Variants in ECD observed in about 807,000 individuals in gnomAD.
The protein encoded by ECD is ecdysoneless cell cycle regulator.
ECD carries 59 observed loss-of-function variants against 77.2 expected under a neutral mutation model. The ratio of observed to expected loss-of-function variants is 0.76; its 90% CI spans 0.62 to 0.95. The LOEUF (loss-of-function observed/expected upper bound fraction) is 0.95, where lower values mean the gene tolerates loss of function less well. Among genes scored for constraint, ECD ranks in the 40% least tolerant of loss-of-function variants. The pLI is 0.00. For missense variants in ECD, 704 were observed against 763.4 expected (o/e 0.92, Z 0.92); for synonymous variants, 233 against 267.4 (o/e 0.87, Z 1.26).
intron 7 of ECD, among the ~76,000 whole-genome samples, chr10:73,149,051 A>G (rs924455262): frequency 4.6e-5 from 7 of 152,282 alleles, no homozygotes; most frequent in African/African-American, 1.4e-4. Context: ...ACACTTAACC[A>G]TATACCTTGG....
At chr10:73,149,339 C>G (rs915260776) in intron 7 of ECD, among the ~76,000 whole-genome samples, 1 of 152,024 alleles carries the variant, frequency 6.6e-6, no homozygotes, top group Non-Finnish European at 1.5e-5. Flanking sequence ...TTTGACTTAA[C>G]ATTTTTTGAC....
intron 11 of ECD, among the ~76,000 whole-genome samples, chr10:73,138,616 C>CG (rs1165022722): frequency 6.6e-6 from 1 of 151,856 alleles, no homozygotes; most frequent in Non-Finnish European, 1.5e-5. Context: ...ACCCAGGCTG[C>CG]GGTGCAGTGG....
At chr10:73,165,862 A>G (rs185215716) in intron 1 of ECD, among the ~76,000 whole-genome samples, 109 of 152,256 alleles carry the variant, frequency 7.2e-4, no homozygotes, top group African/African-American at 2.5e-3. Context: ...TAAATGTACA[A>G]TTAAATTATT....
intron 13 of ECD, among the ~76,000 whole-genome samples, chr10:73,135,661 C>T (rs964387769): frequency 4.0e-5 from 6 of 151,848 alleles, no homozygotes; most frequent in African/African-American, 1.5e-4. Context: ...GCAGAGGGTG[C>T]AGTGAGCCAA....
chr10:73,164,128 G>C (rs1259381427), intron 1 of ECD, among the ~76,000 whole-genome samples, 178 bp from the exon 2 acceptor site: 1 of 152,000 alleles, frequency 6.6e-6, no homozygotes, highest in African/African-American at 2.4e-5. Context: ...TGGAGGTCAG[G>C]AGTTTGAGAC....
Position 73,146,362 on chromosome 10 carries a change from C to A in ECD, c.1042-1G>T. The A allele has an allele frequency of 6.3e-7, 1 of 1,579,230 alleles. No individual in the cohort carries two copies. Among genetic ancestry groups the A allele is most frequent in the Non-Finnish European group, 8.6e-7 (1 of 1,165,156 alleles). ...ACTGAGCAGAACCTTCTATCAGTCC[C>A]TTAAAAAAAAAAAAAGGTCTATCAG... On this transcript the variant is annotated splice_acceptor_variant, in intron 8 of 13. Transcript: ENST00000372979. LOFTEE classifies it high-confidence loss of function.
At chr10:73,156,679 T>C (rs758644478) in intron 3 of ECD, 24 bp from the exon 4 acceptor site, 2 of 1,607,822 alleles carry the variant, frequency 1.2e-6, no homozygotes, top group Non-Finnish European at 1.7e-6. Flanking sequence ...ATTTCCAATT[T>C]TGCATTCAAA....
At chr10:73,157,435 A>G (rs1843311125) in intron 3 of ECD, among the ~76,000 whole-genome samples, 1 of 151,538 alleles carries the variant, frequency 6.6e-6, no homozygotes, top group Admixed American at 6.6e-5. Flanking sequence ...TAAAAGTTAC[A>G]TGGCCAGGTG....
chr10:73,146,214 A>G, intron 9 of ECD, 62 bp downstream of exon 9: 1 of 794,864 alleles, frequency 1.3e-6, no homozygotes, highest in Non-Finnish European at 1.8e-6. Context: ...AATAATAAAT[A>G]AAAAATAAAA....
chr10:73,165,630 T>TA (rs397973008), intron 1 of ECD, among the ~76,000 whole-genome samples: 1 of 151,808 alleles, frequency 6.6e-6, no homozygotes, highest in East Asian at 1.9e-4. Context: ...TTTTTTTTTT[T>TA]AATTTTTAAG....
intron 2 of ECD, 72 bp from the exon 3 acceptor site, chr10:73,160,623 C>A: frequency 9.3e-7 from 1 of 1,075,106 alleles, no homozygotes; most frequent in South Asian, 1.5e-5. Context: ...CATAATCATT[C>A]AACTGAATAC....
intron 13 of ECD, among the ~76,000 whole-genome samples, chr10:73,136,091 T>TCAAACCCTAACCCATAAGACTC (rs1842971167): frequency 6.6e-6 from 1 of 152,168 alleles, no homozygotes; most frequent in Non-Finnish European, 1.5e-5. Context: ...GAGCTAGACT[T>TCAAACCCTAACCCATAAGACTC]CAAACCCTAA....
intron 6 of ECD, 89 bp from the exon 7 acceptor site, chr10:73,152,510 T>C: frequency 7.0e-7 from 1 of 1,430,628 alleles, no homozygotes. Context: ...GAGAAGTCCA[T>C]TTATAAGCTT....
At chr10:73,160,315 A>G in intron 3 of ECD, 119 bp downstream of exon 3, 1 of 634,368 alleles carries the variant, frequency 1.6e-6, no homozygotes, top group Non-Finnish European at 2.5e-6. Flanking sequence ...AGATACTATT[A>G]AAATCTGTAC....
chr10:73,134,669 G>C lies in ECD; in HGVS notation c.1849C>G (p.Pro617Ala). ...SYSSQAGLAG[P>A]ASNLLQSMGV... is the part of the protein sequence containing the mutation. ...ATGCTTTGTAAAAGATTGGAAGCAG[G>C]TCCTGCCAGTCCAGCTTGGGAGCTA... The change falls in exon 14 of 14, where the codon CCT (proline) becomes GCT (alanine). Residue 617 changes from proline (P) to alanine (A), a missense_variant. Transcript: ENST00000372979. 6.2e-7 allele frequency: 1 copy of C among 1,614,192 alleles called. No individual in the cohort carries two copies. The highest frequency in any genetic ancestry group is 8.5e-7 in the Non-Finnish European group (1 of 1,180,028).
intron 8 of ECD, 45 bp downstream of exon 8, chr10:73,148,231 T>C (rs1414045396): frequency 6.3e-7 from 1 of 1,599,518 alleles, no homozygotes; most frequent in African/African-American, 1.3e-5. Flanking sequence ...TGGCTTGATT[T>C]TCCCTGGATT....
chr10:73,155,495 T>G (rs1322999213), intron 5 of ECD, among the ~76,000 whole-genome samples: 1 of 152,126 alleles, frequency 6.6e-6, no homozygotes, highest in Non-Finnish European at 1.5e-5. Flanking sequence ...AAAGTTTTAT[T>G]CAGAAACTGA....
intron 12 of ECD, 36 bp from the exon 13 acceptor site, chr10:73,136,954 A>G: frequency 1.0e-6 from 1 of 992,536 alleles, no homozygotes; most frequent in Non-Finnish European, 1.3e-6. Context: ...GCCACTTAGT[A>G]ATTATTATTA....
Position 73,156,314 on chromosome 10 carries a change from G to A in ECD, c.551C>T (p.Ser184Leu), listed in dbSNP as rs772574196. ...ATTCACAGCAGCTCGTATAGATTCTGAAGCAAGTATTTTTTCTGAATGTGC... is the reference window on the plus strand; with the variant it reads ...ATTCACAGCAGCTCGTATAGATTCTAAAGCAAGTATTTTTTCTGAATGTGC... The part of the protein sequence containing the change: ...ITAHSEKILA[S>L]ESIRAAVNRR... The change falls in exon 5 of 14, where the codon TCA (serine) becomes TTA (leucine). Residue 184 changes from serine to leucine, a missense_variant. Ser to Leu is a moderately radical substitution (Grantham distance 145). Transcript: ENST00000372979. 6.2e-7 allele frequency: 1 copy of A among 1,611,226 alleles called. No individual in the cohort carries two copies. The highest frequency in any genetic ancestry group is 1.7e-5 in the Admixed American group (1 of 59,344).
Sources: gnomAD v4.1 joint callset for allele counts (sites outside exome capture counted in the v4.1 genomes callset) on GRCh38, gnomAD v4.1.1 for gene constraint, MANE v1.5 for transcripts, NCBI Gene and HGNC (gene_info 2026-07-23, HGNC 2026-07-21) for gene names.